Variants in CNTN4 observed in about 807,000 individuals in gnomAD.
CNTN4 encodes contactin-4.
Under a neutral mutation model 122.5 loss-of-function variants are expected in CNTN4, and 77 were observed. That is an observed-to-expected ratio of 0.63 (90% CI 0.52 to 0.76). CNTN4 has a LOEUF of 0.76. CNTN4 is among the 30% of genes least tolerant of loss of function. The pLI, the probability that CNTN4 is intolerant of heterozygous loss-of-function variation, is 0.00. For synonymous variants in CNTN4, 512 were observed against 447.0 expected (o/e 1.15, Z -1.83); for missense variants, 1,256 against 1,259.1 (o/e 1.00, Z 0.04).
chr3:2,432,355 C>T (rs1008830154), intron 3 of CNTN4, among the ~76,000 whole-genome samples: 16 of 152,176 alleles, frequency 1.1e-4, no homozygotes, highest in African/African-American at 2.9e-4. Context: ...AATGTGTATT[C>T]TGTTGGAAGA....
chr3:2,615,942 CTT>C (rs918530822), intron 4 of CNTN4, among the ~76,000 whole-genome samples: 3 of 151,220 alleles, frequency 2.0e-5, no homozygotes, highest in Admixed American at 1.3e-4. Flanking sequence ...CCTTAAATAA[CTT>C]TTAAAATACC....
At chr3:2,293,773 C>T (rs1298828307) in intron 2 of CNTN4, among the ~76,000 whole-genome samples, 2 of 152,122 alleles carry the variant, frequency 1.3e-5, no homozygotes, top group Non-Finnish European at 2.9e-5. Context: ...ATCCAGTTTA[C>T]CTAAATATTC....
chr3:2,428,146 G>C (rs559059328), intron 3 of CNTN4, among the ~76,000 whole-genome samples: 34 of 152,184 alleles, frequency 2.2e-4, no homozygotes, highest in Non-Finnish European at 2.9e-5. Context: ...CTGAGTAGTT[G>C]ATGCAGTTTC....
At chr3:2,932,800 C>CTTTATTTA (rs71058655) in intron 13 of CNTN4, among the ~76,000 whole-genome samples, 9,068 of 148,846 alleles carry the variant, frequency 0.061, 281 homozygotes, top group African/African-American at 0.072. Flanking sequence ...TGCTTACAGT[C>CTTTATTTA]TTTATTTATT....
intron 4 of CNTN4, among the ~76,000 whole-genome samples, chr3:2,643,645 A>G (rs1425553810): frequency 1.3e-5 from 2 of 152,206 alleles, no homozygotes; most frequent in African/African-American, 2.4e-5. Flanking sequence ...GAGAAGACAC[A>G]TAAACAAGCC....
At chr3:2,243,247 T>C (rs942468857) in intron 2 of CNTN4, among the ~76,000 whole-genome samples, 1 of 152,166 alleles carries the variant, frequency 6.6e-6, no homozygotes, top group African/African-American at 2.4e-5. Flanking sequence ...CAAGGTAATG[T>C]TGACTTTACT....
intron 2 of CNTN4, among the ~76,000 whole-genome samples, chr3:2,126,103 G>A (rs1445078321): frequency 1.3e-5 from 2 of 152,122 alleles, no homozygotes; most frequent in Non-Finnish European, 2.9e-5. Flanking sequence ...TTATTTGAAT[G>A]TCTGAGTATT....
At chr3:2,301,711 G>A (rs1025505666) in intron 2 of CNTN4, among the ~76,000 whole-genome samples, 1 of 152,206 alleles carries the variant, frequency 6.6e-6, no homozygotes, top group African/African-American at 2.4e-5. Flanking sequence ...TGAAGTCTGA[G>A]TTTAACTGAC....
At chr3:2,124,543 C>T (rs968860754) in intron 2 of CNTN4, among the ~76,000 whole-genome samples, 5 of 151,826 alleles carry the variant, frequency 3.3e-5, no homozygotes, top group African/African-American at 4.8e-5. Context: ...GGGAGGACCA[C>T]TTGAGCCCAG....
At chr3:2,194,392 T>C (rs2037738236) in intron 2 of CNTN4, among the ~76,000 whole-genome samples, 1 of 151,946 alleles carries the variant, frequency 6.6e-6, no homozygotes, top group Non-Finnish European at 1.5e-5. Flanking sequence ...GCCTGAGAGG[T>C]TGAGGCTGGA....
At chr3:2,548,632 T>C (rs549555197) in intron 3 of CNTN4, among the ~76,000 whole-genome samples, 4 of 152,294 alleles carry the variant, frequency 2.6e-5, no homozygotes, top group African/African-American at 9.6e-5. Context: ...TTGTTCATTT[T>C]GCTTAGGATT....
At chr3:2,269,616 A>G (rs923152996) in intron 2 of CNTN4, among the ~76,000 whole-genome samples, 1 of 152,150 alleles carries the variant, frequency 6.6e-6, no homozygotes, top group South Asian at 2.1e-4. Context: ...TTGGGAGACC[A>G]TGATACAATG....
chr3:2,282,128 A>G (rs1281472292), intron 2 of CNTN4, among the ~76,000 whole-genome samples: 1 of 152,236 alleles, frequency 6.6e-6, no homozygotes, highest in South Asian at 2.1e-4. Flanking sequence ...GAGGTCATTG[A>G]TATAAAATTT....
At chr3:2,720,241 A>G (rs112617078) in intron 4 of CNTN4, among the ~76,000 whole-genome samples, 2,546 of 152,258 alleles carry the variant, frequency 0.017, 62 homozygotes, top group African/African-American at 0.057. Context: ...TGTCAATGAG[A>G]TAGAGATGCC....
chr3:2,364,553 A>T (rs2045296321), intron 3 of CNTN4, among the ~76,000 whole-genome samples: 1 of 152,038 alleles, frequency 6.6e-6, no homozygotes, highest in Non-Finnish European at 1.5e-5. Context: ...GCATTTGTTG[A>T]CAATAGAGCC....
chr3:2,894,734 G>C (rs75378910), intron 10 of CNTN4, among the ~76,000 whole-genome samples: 2 of 152,120 alleles, frequency 1.3e-5, no homozygotes, highest in African/African-American at 4.8e-5. Flanking sequence ...ATAGAGAAAT[G>C]AATCTGTGTA....
At chr3:2,333,549 C>T (rs1037023378) in intron 2 of CNTN4, among the ~76,000 whole-genome samples, 1 of 152,140 alleles carries the variant, frequency 6.6e-6, no homozygotes, top group African/African-American at 2.4e-5. Context: ...ATGTGATTAT[C>T]TCTTAATAAC....
intron 4 of CNTN4, among the ~76,000 whole-genome samples, chr3:2,664,803 C>T (rs2150321114): frequency 6.6e-6 from 1 of 152,310 alleles, no homozygotes; most frequent in East Asian, 1.9e-4. Context: ...TATGCGATGA[C>T]ACAAACAGAT....
intron 4 of CNTN4, among the ~76,000 whole-genome samples, chr3:2,573,456 C>T (rs1374267833): frequency 6.6e-6 from 1 of 152,126 alleles, no homozygotes; most frequent in African/African-American, 2.4e-5. Flanking sequence ...GGACCTTGAC[C>T]CTCCTAAGGG....
Sources: allele counts gnomAD v4.1 joint callset (sites outside exome capture counted in the v4.1 genomes callset), GRCh38; gene constraint gnomAD v4.1.1; transcripts MANE v1.5; gene names NCBI Gene and HGNC (gene_info 2026-07-23, HGNC 2026-07-21).